The following CORO2B variants were observed in gnomAD, a reference collection of about 807,000 sequenced individuals.
The protein encoded by CORO2B is coronin-2B.
A neutral mutation model predicts 58.8 loss-of-function variants in CORO2B; 26 were observed. That is an observed-to-expected ratio of 0.44 (90% CI 0.32 to 0.61). The LOEUF (loss-of-function observed/expected upper bound fraction) is 0.61, where lower values mean the gene tolerates loss of function less well. CORO2B is among the 20% of genes least tolerant of loss of function. CORO2B has a pLI of 0.04. For missense variants in CORO2B, 460 were observed against 645.1 expected, an observed-to-expected ratio of 0.71 and a Z score of 3.11; for synonymous variants, 242 against 253.8, an observed-to-expected ratio of 0.95 and a Z score of 0.44.
At chr15:68,668,958 A>T (rs928704341) in intron 2 of CORO2B, among the ~76,000 whole-genome samples, 3 of 151,958 alleles carry the variant, frequency 2.0e-5, no homozygotes, top group African/African-American at 7.3e-5. Flanking sequence ...TGTGCCTGTA[A>T]TCCCAACTAC....
At chr15:68,627,502 C>G (rs764706910) in intron 1 of CORO2B, among the ~76,000 whole-genome samples, 32 of 152,106 alleles carry the variant, frequency 2.1e-4, no homozygotes, top group Non-Finnish European at 3.5e-4. Flanking sequence ...GCGGGCATCT[C>G]TTTGGACTCT....
chr15:68,598,833 G>A (rs1899904799), intron 1 of CORO2B, among the ~76,000 whole-genome samples: 1 of 152,214 alleles, frequency 6.6e-6, no homozygotes, highest in Admixed American at 6.5e-5. Context: ...ACTCTCCTGA[G>A]GCCTGGAAGA....
chr15:68,536,120 A>T, the CORO2B span, among the ~76,000 whole-genome samples: 1 of 152,238 alleles, frequency 6.6e-6, no homozygotes, highest in Non-Finnish European at 1.5e-5. Context: ...TAGCTGTCAG[A>T]ATAGCACTAT....
chr15:68,686,521 A>G (rs540150309), intron 2 of CORO2B, among the ~76,000 whole-genome samples: 2 of 152,178 alleles, frequency 1.3e-5, no homozygotes, highest in Non-Finnish European at 2.9e-5. Context: ...CTCATCCATA[A>G]AATGAACTGT....
the CORO2B span, among the ~76,000 whole-genome samples, chr15:68,538,243 G>A: frequency 6.6e-6 from 1 of 152,124 alleles, no homozygotes; most frequent in Non-Finnish European, 1.5e-5. Context: ...TTCCTGGTGT[G>A]TGTGGAGGAA....
chr15:68,599,564 C>T (rs186670680), intron 1 of CORO2B, among the ~76,000 whole-genome samples: 62 of 152,322 alleles, frequency 4.1e-4, no homozygotes, highest in Admixed American at 3.3e-3. Flanking sequence ...GGGCCTGAGA[C>T]GGATATAGGG....
At chr15:68,573,234 T>C in the CORO2B span, among the ~76,000 whole-genome samples, 1 of 151,716 alleles carries the variant, frequency 6.6e-6, no homozygotes. Context: ...CATATGTGCA[T>C]TGTACAGAGG....
chr15:68,720,830 G>A (rs1002024044), intron 11 of CORO2B, among the ~76,000 whole-genome samples: 1 of 152,210 alleles, frequency 6.6e-6, no homozygotes, highest in Non-Finnish European at 1.5e-5. Context: ...TGCTTGAGGA[G>A]AGGGGATAAA....
chr15:68,568,127 G>T, the CORO2B span, among the ~76,000 whole-genome samples: 2 of 152,222 alleles, frequency 1.3e-5, no homozygotes, highest in Non-Finnish European at 2.9e-5. Flanking sequence ...TCCTTGTAGG[G>T]TCAACCTGGG....
At chr15:68,545,605 C>CGGGGGGGGGGGGGGGAAAAAT in the CORO2B span, among the ~76,000 whole-genome samples, 1 of 68,866 alleles carries the variant, frequency 1.5e-5, no homozygotes, top group Non-Finnish European at 3.0e-5. Context: ...AACAGGAATG[C>CGGGGGGGGGGGGGGGAAAAAT]GGGGGGCGGG....
intron 2 of CORO2B, among the ~76,000 whole-genome samples, chr15:68,694,587 G>T (rs1275767645): frequency 1.3e-5 from 2 of 152,224 alleles, no homozygotes; most frequent in African/African-American, 4.8e-5. Context: ...TCGTGTAAGA[G>T]TATATAGGTG....
At chr15:68,671,335 G>GA (rs1316534587) in intron 2 of CORO2B, among the ~76,000 whole-genome samples, 3 of 152,072 alleles carry the variant, frequency 2.0e-5, no homozygotes, top group African/African-American at 7.2e-5. Flanking sequence ...CACAGTTTGA[G>GA]ACCCAGGAAA....
In CORO2B at chr15:68,658,777, C is replaced by T. The variant is rs1015343434; in HGVS notation, c.216+13417C>T. ...ACCCCAGCTCAGTGCTGACTCAGTG[C>T]CATGGGCCTGTCCAAAGAGAGCTTA... is the stretch of plus-strand genomic sequence containing the variant. On this transcript the variant is annotated intron_variant, in intron 2 of 11. Coordinates refer to ENST00000261861, the MANE Select transcript of CORO2B (RefSeq NM_006091.5). 3.3e-5 allele frequency among the ~76,000 whole-genome samples: 5 copies of T among 152,196 alleles called. 1 individual carries two copies. The highest frequency in any genetic ancestry group is 3.3e-4 in the Admixed American group (5 of 15,286).
rs190959378 is a variant in CORO2B, at chr15:68,648,688, G to A, written c.216+3328G>A. On this transcript the variant is annotated intron_variant, in intron 2 of 11. Transcript: ENST00000261861. ...AGAGAGAAAGAGAGAGAGAAAGGAAGAAAGGCAAAAGATATGAATAAGCAA... is the reference window on the plus strand; with the variant it reads ...AGAGAGAAAGAGAGAGAGAAAGGAAAAAAGGCAAAAGATATGAATAAGCAA... 3.9e-3 allele frequency among the ~76,000 whole-genome samples: 595 copies of A among 152,182 alleles called. 1 individual carries two copies. Among genetic ancestry groups the A allele is most frequent in the Non-Finnish European group, 6.2e-3 (423 of 67,976 alleles).
At chr15:68,558,860 CCT>C in the CORO2B span, among the ~76,000 whole-genome samples, 14 of 152,320 alleles carry the variant, frequency 9.2e-5, no homozygotes, top group African/African-American at 1.4e-4. Context: ...AGTTACTTCC[CCT>C]CTCTGGCCTC....
Position 68,710,592 on chromosome 15 carries a change from A to T in CORO2B, c.334-140A>T. ...GAGACCTCCCAGCAGGCCTCAGTCG[A>T]GCTTTGCCCATCGCCTCAAGCCAGG... On this transcript the variant is annotated intron_variant, in intron 3 of 11. Coordinates refer to ENST00000261861, the MANE Select transcript of CORO2B (RefSeq NM_006091.5). The surrounding 1 kb of genome is among the most constrained non-coding windows in gnomAD (Gnocchi z 4.1). The T allele has an allele frequency of 1.0e-6, 1 of 980,336 alleles. No individual in the cohort carries two copies. Among genetic ancestry groups the T allele is most frequent in the East Asian group, 2.8e-5 (1 of 35,602 alleles). 60.7% of individuals were successfully genotyped at this position (980,336 alleles called of 1,614,324 possible). A position where few individuals can be genotyped will look rare whatever the true frequency, so the allele number is the denominator to read the frequency against.
At chr15:68,637,217 A>G (rs142332386) in intron 1 of CORO2B, among the ~76,000 whole-genome samples, 252 of 152,290 alleles carry the variant, frequency 1.7e-3, no homozygotes, top group Middle Eastern at 6.8e-3. Flanking sequence ...TGCACCTCCC[A>G]TTGTCTGTTT....
intron 3 of CORO2B, among the ~76,000 whole-genome samples, chr15:68,698,738 T>C (rs549228290): frequency 5.9e-5 from 9 of 152,240 alleles, no homozygotes; most frequent in African/African-American, 1.9e-4. Context: ...AACAGTAAGA[T>C]ACCTCCCTTT....
At chr15:68,683,067 CT>C (rs1416712298) in intron 2 of CORO2B, among the ~76,000 whole-genome samples, 2 of 152,320 alleles carry the variant, frequency 1.3e-5, no homozygotes, top group East Asian at 3.9e-4. Context: ...GAGAGGGCCC[CT>C]GGTATGGCAG....
Sources: gnomAD v4.1 joint callset for allele counts (sites outside exome capture counted in the v4.1 genomes callset) on GRCh38, gnomAD v4.1.1 for gene constraint, Gnocchi (gnomAD v3.1) non-coding constraint, MANE v1.5 for transcripts, NCBI Gene and HGNC (gene_info 2026-07-23, HGNC 2026-07-21) for gene names.